The following FRMD4A variants were observed in gnomAD, a reference collection of about 807,000 sequenced individuals.
FRMD4A encodes the protein FERM domain-containing protein 4A.
In FRMD4A, 29 loss-of-function variants were observed where a neutral mutation model predicts 129.1. The observed-to-expected ratio is 0.22, with a 90% confidence interval of 0.17 to 0.31. The LOEUF is 0.31. FRMD4A is among the 10% of genes least tolerant of loss of function. FRMD4A has a pLI of 1.00. For missense variants in FRMD4A, 1,272 were observed against 1,375.8 expected (o/e 0.92, Z 1.19); for synonymous variants, 634 against 571.6 (o/e 1.11, Z -1.56).
At chr10:13,972,299 C>G in intron 2 of FRMD4A, 3 of 987,554 alleles carry the variant, frequency 3.0e-6, no homozygotes, top group Non-Finnish European at 3.6e-6. Flanking sequence ...TAACTCTTTA[C>G]AACTTGGAGA....
At chr10:13,868,296 T>G (rs2094399660) in intron 2 of FRMD4A, among the ~76,000 whole-genome samples, 1 of 152,174 alleles carries the variant, frequency 6.6e-6, no homozygotes, top group South Asian at 2.1e-4. Context: ...ATTTTTATGA[T>G]AACTTTTCCC....
rs972858421 is a variant in FRMD4A at position 13,821,459 on chromosome 10, G to A, written c.112-10551C>T. On this transcript the variant is annotated intron_variant, in intron 3 of 24. Coordinates refer to ENST00000357447, the MANE Select transcript of FRMD4A (RefSeq NM_018027.5). This position sits in a 1 kb window ranked among gnomAD's most constrained non-coding sequence, Gnocchi z 4.3. ...CAGAGGTCCCTGCCCAGCCTGAACC[G>A]GGATCCATTCGTGCACATGAGACAA... 2.0e-5 allele frequency among the ~76,000 whole-genome samples: 3 copies of A among 152,110 alleles called. No homozygotes were observed. Among genetic ancestry groups the A allele is most frequent in the East Asian group, 3.9e-4 (2 of 5,194 alleles).
chr10:14,172,090 A>T (rs1245485643), intron 2 of FRMD4A, among the ~76,000 whole-genome samples: 2 of 152,214 alleles, frequency 1.3e-5, no homozygotes, highest in Admixed American at 1.3e-4. Flanking sequence ...AGTCATGATG[A>T]TATTGTAGGT....
chr10:13,676,621 A>G (rs985264849), intron 15 of FRMD4A, among the ~76,000 whole-genome samples: 2 of 152,112 alleles, frequency 1.3e-5, no homozygotes, highest in African/African-American at 4.8e-5. Flanking sequence ...AAGTGTTAGA[A>G]ACGGACAGGT....
chr10:14,022,428 G>A (rs1413069681), intron 2 of FRMD4A, among the ~76,000 whole-genome samples: 2 of 152,174 alleles, frequency 1.3e-5, no homozygotes, highest in African/African-American at 4.8e-5. Flanking sequence ...AAGAGAACTT[G>A]ACCTCCAAAA....
intron 2 of FRMD4A, among the ~76,000 whole-genome samples, chr10:13,905,990 G>A (rs1461237422): frequency 2.0e-5 from 3 of 152,176 alleles, no homozygotes; most frequent in Middle Eastern, 3.2e-3. Flanking sequence ...CAGAATCATG[G>A]CACCCGAGCA....
chr10:14,265,009 C>A (rs374674838), intron 2 of FRMD4A, among the ~76,000 whole-genome samples: 3 of 152,200 alleles, frequency 2.0e-5, no homozygotes, highest in Non-Finnish European at 4.4e-5. Context: ...GTCTCGAACT[C>A]CTGACCTCGT....
intron 2 of FRMD4A, among the ~76,000 whole-genome samples, chr10:14,306,927 A>G (rs762109940): frequency 6.6e-6 from 1 of 152,228 alleles, no homozygotes; most frequent in Non-Finnish European, 1.5e-5. Context: ...AAGGACAGGT[A>G]CAACATTTAG....
intron 6 of FRMD4A, among the ~76,000 whole-genome samples, 200 bp downstream of exon 6, chr10:13,782,722 G>A (rs1453925709): frequency 5.9e-5 from 9 of 152,186 alleles, no homozygotes; most frequent in South Asian, 2.1e-4. Flanking sequence ...GATTACAGGC[G>A]TGAGCCAGCG....
intron 2 of FRMD4A, among the ~76,000 whole-genome samples, chr10:13,928,158 C>A (rs12254022): frequency 6.6e-6 from 1 of 151,730 alleles, no homozygotes; most frequent in African/African-American, 2.4e-5. Flanking sequence ...GTAGTTGGGA[C>A]TATAGGTGCA....
chr10:14,231,932 T>C (rs1843652994), intron 2 of FRMD4A, among the ~76,000 whole-genome samples: 2 of 152,360 alleles, frequency 1.3e-5, no homozygotes, highest in South Asian at 2.1e-4. Flanking sequence ...CTCTTCAGTT[T>C]AATCAGGTCC....
chr10:14,188,481 C>A (rs1589145991), intron 2 of FRMD4A, among the ~76,000 whole-genome samples: 1 of 152,240 alleles, frequency 6.6e-6, no homozygotes, highest in East Asian at 1.9e-4. Context: ...TCCAATCATT[C>A]CCTCTTCAAT....
At chr10:13,926,592 G>C (rs1232499929) in intron 2 of FRMD4A, among the ~76,000 whole-genome samples, 10 of 152,198 alleles carry the variant, frequency 6.6e-5, no homozygotes, top group Admixed American at 6.5e-4. Context: ...AGAAAGCACA[G>C]TATTTCCTTT....
chr10:14,236,626 G>A (rs1843825546), intron 2 of FRMD4A, among the ~76,000 whole-genome samples: 1 of 152,200 alleles, frequency 6.6e-6, no homozygotes, highest in Non-Finnish European at 1.5e-5. Context: ...CTAGGTCAAT[G>A]AGTCGGTGCC....
chr10:14,005,927 G>A (rs978520952), intron 2 of FRMD4A, among the ~76,000 whole-genome samples: 6 of 152,162 alleles, frequency 3.9e-5, no homozygotes, highest in South Asian at 2.1e-4. Context: ...GGTCTTCCGC[G>A]TCATTAGATG....
At chr10:14,295,891 G>T (rs995474252) in intron 2 of FRMD4A, among the ~76,000 whole-genome samples, 1 of 152,100 alleles carries the variant, frequency 6.6e-6, no homozygotes, top group Non-Finnish European at 1.5e-5. Flanking sequence ...AAAATGAAAT[G>T]CAGCAGTTTA....
intron 2 of FRMD4A, among the ~76,000 whole-genome samples, chr10:14,312,095 A>T (rs896721476): frequency 3.3e-5 from 5 of 152,208 alleles, no homozygotes; most frequent in African/African-American, 9.6e-5. Flanking sequence ...AGCGTCATAA[A>T]CCATTTCCTC....
chr10:14,212,991 C>A (rs963486296), intron 2 of FRMD4A, among the ~76,000 whole-genome samples: 2 of 152,154 alleles, frequency 1.3e-5, no homozygotes, highest in Admixed American at 1.3e-4. Context: ...AATCCCAGCA[C>A]TTTGGGAGGC....
At chr10:13,660,581 G>T in intron 19 of FRMD4A, 28 bp from the exon 20 acceptor site, 1 of 1,407,088 alleles carries the variant, frequency 7.1e-7, no homozygotes, top group Non-Finnish European at 9.9e-7. Flanking sequence ...GAGAGGAACT[G>T]AGCCCCGGTC....
Sources: gnomAD v4.1 joint callset for allele counts (sites outside exome capture counted in the v4.1 genomes callset) on GRCh38, gnomAD v4.1.1 for gene constraint, Gnocchi (gnomAD v3.1) non-coding constraint, MANE v1.5 for transcripts, NCBI Gene and HGNC (gene_info 2026-07-23, HGNC 2026-07-21) for gene names.